The following PDE7A variants were observed in gnomAD, a reference collection of about 807,000 sequenced individuals.
PDE7A encodes high affinity 3',5'-cyclic-AMP phosphodiesterase 7A.
PDE7A carries 39 observed loss-of-function variants against 64.3 expected under a neutral mutation model. That is an observed-to-expected ratio of 0.61 (90% confidence interval 0.47 to 0.79). The LOEUF is 0.79. Ranked by LOEUF, PDE7A falls within the 30% of genes least tolerant of loss-of-function variation. The probability of loss-of-function intolerance (pLI) is 0.00; values close to 1 mark genes in which losing one functional copy is unlikely to be tolerated. For missense variants in PDE7A, 470 were observed against 582.8 expected (o/e 0.81, Z 1.99); for synonymous variants, 203 against 206.8 (o/e 0.98, Z 0.16).
At chr8:65,821,181 CA>C (rs893306203) in intron 1 of PDE7A, among the ~76,000 whole-genome samples, 38 of 149,040 alleles carry the variant, frequency 2.5e-4, no homozygotes, top group African/African-American at 8.9e-4. Flanking sequence ...CAAAACAAAA[CA>C]AAAAAAAACC....
At chr8:65,761,725 T>C (rs1167291099) in intron 3 of PDE7A, among the ~76,000 whole-genome samples, 1 of 152,242 alleles carries the variant, frequency 6.6e-6, no homozygotes, top group African/African-American at 2.4e-5. Flanking sequence ...AGTTAATGAT[T>C]CTTAGCTTCT....
intron 12 of PDE7A, chr8:65,723,336 T>G (rs1806468770): frequency 2.7e-6 from 1 of 369,390 alleles, no homozygotes; most frequent in South Asian, 1.1e-4. Context: ...TGCTGCCTGT[T>G]CTGCAAAAAT....
chr8:65,813,056 C>T (rs1295631595), intron 1 of PDE7A, among the ~76,000 whole-genome samples: 5 of 152,222 alleles, frequency 3.3e-5, no homozygotes, highest in African/African-American at 7.2e-5. Context: ...ACCATTTGAA[C>T]TCACTGTGCT....
At chr8:65,761,543 T>C (rs1294399041) in intron 3 of PDE7A, among the ~76,000 whole-genome samples, 3 of 152,226 alleles carry the variant, frequency 2.0e-5, no homozygotes, top group African/African-American at 7.2e-5. Context: ...CAATCCAGCT[T>C]AGAAAGCCAA....
chr8:65,771,861 C>A (rs942177496), intron 3 of PDE7A, among the ~76,000 whole-genome samples: 3 of 121,192 alleles, frequency 2.5e-5, no homozygotes, highest in Non-Finnish European at 4.8e-5. Context: ...GGCAACAGAT[C>A]GAGACTCCGA....
intron 5 of PDE7A, 49 bp from the exon 6 acceptor site, chr8:65,739,646 C>T: frequency 7.1e-7 from 1 of 1,400,888 alleles, no homozygotes. Context: ...CAAGTCAACA[C>T]AATTATATTA....
At chr8:65,789,794 A>C (rs1809651866) in intron 1 of PDE7A, among the ~76,000 whole-genome samples, 1 of 152,226 alleles carries the variant, frequency 6.6e-6, no homozygotes, top group African/African-American at 2.4e-5. Context: ...AGTATTCAGC[A>C]AATATTTATT....
Position 65,719,030 on chromosome 8 carries a change from C to T in PDE7A, c.*260G>A. 2.0e-6 allele frequency: 1 copy of T among 506,940 alleles called. No individual in the cohort carries two copies. The highest frequency in any genetic ancestry group is 3.6e-6 in the Non-Finnish European group (1 of 281,092). 31.4% of individuals were successfully genotyped at this position (506,940 alleles called of 1,614,324 possible). A position where few individuals can be genotyped will look rare whatever the true frequency, so the allele number is the denominator to read the frequency against. On this transcript the variant is annotated 3_prime_UTR_variant, in exon 13 of 13. Transcript: ENST00000401827. ...CATATCAAAACTTCCTTTGTTACTC[C>T]TTTCGGATTCTCTCCTGCTGGGCTT...
intron 1 of PDE7A, among the ~76,000 whole-genome samples, chr8:65,832,156 CT>C (rs1340079251): frequency 6.6e-6 from 1 of 152,030 alleles, no homozygotes; most frequent in Admixed American, 6.6e-5. Flanking sequence ...TCCTCAAATT[CT>C]TCAAATCATT....
intron 1 of PDE7A, among the ~76,000 whole-genome samples, chr8:65,807,900 A>G (rs1173321060): frequency 6.6e-6 from 1 of 152,178 alleles, no homozygotes; most frequent in Non-Finnish European, 1.5e-5. Flanking sequence ...TGGAGCCACT[A>G]AACCCTGGGT....
intron 9 of PDE7A, among the ~76,000 whole-genome samples, chr8:65,725,838 A>G (rs918926756): frequency 1.3e-5 from 2 of 152,228 alleles, no homozygotes; most frequent in Non-Finnish European, 2.9e-5. Flanking sequence ...GGAATAATGA[A>G]GCAAACATTT....
In PDE7A at chr8:65,734,976, C is replaced by T. The variant is rs1807063357; in HGVS notation, c.596-82G>A. 17 of 854,214 alleles carry T rather than the reference C, an allele frequency of 2.0e-5. 1 individual carries two copies. In the South Asian group the frequency reaches 2.3e-4, roughly 12 times the overall value. 52.9% of individuals were successfully genotyped at this position (854,214 alleles called of 1,614,324 possible). On this transcript the variant is annotated intron_variant, in intron 6 of 12. Coordinates refer to ENST00000401827, the MANE Select transcript of PDE7A (RefSeq NM_001242318.3). ...AAAAATTGTGATAATTATGAGTTACCCACTCATACTTTTCATGTAGCTATC... is the reference window on the plus strand; with the variant it reads ...AAAAATTGTGATAATTATGAGTTACTCACTCATACTTTTCATGTAGCTATC...
chr8:65,741,115 T>A (rs1397726980), intron 5 of PDE7A, among the ~76,000 whole-genome samples: 1 of 152,216 alleles, frequency 6.6e-6, no homozygotes, highest in Non-Finnish European at 1.5e-5. Context: ...TACCTCCTAT[T>A]ATACTTCTCA....
chr8:65,819,765 TTC>T (rs1379740847), intron 1 of PDE7A, among the ~76,000 whole-genome samples: 1 of 152,224 alleles, frequency 6.6e-6, no homozygotes, highest in Non-Finnish European at 1.5e-5. Context: ...AAAACATCTA[TTC>T]TCATGTTCTT....
intron 5 of PDE7A, among the ~76,000 whole-genome samples, chr8:65,741,695 GAAC>G (rs921921460): frequency 2.0e-5 from 3 of 152,160 alleles, no homozygotes; most frequent in Non-Finnish European, 2.9e-5. Context: ...CTGAAGAAGT[GAAC>G]AACGTGTCTG....
At chr8:65,745,988 C>T (rs1386937963) in intron 4 of PDE7A, among the ~76,000 whole-genome samples, 2 of 151,824 alleles carry the variant, frequency 1.3e-5, no homozygotes, top group African/African-American at 2.4e-5. Context: ...AATGCAGTGG[C>T]ACAAACAAGA....
intron 1 of PDE7A, among the ~76,000 whole-genome samples, chr8:65,813,450 A>G (rs1331992641): frequency 4.6e-5 from 7 of 152,232 alleles, no homozygotes; most frequent in Admixed American, 3.3e-4. Context: ...GATGATTGGT[A>G]TGAACTGGGA....
chr8:65,839,963 T>C (rs934220354), intron 1 of PDE7A, among the ~76,000 whole-genome samples: 2 of 152,246 alleles, frequency 1.3e-5, no homozygotes, highest in Non-Finnish European at 2.9e-5. Flanking sequence ...GCTAGTCATG[T>C]GCCTGCTGAT....
chr8:65,752,711 T>C (rs1175135855), intron 3 of PDE7A, among the ~76,000 whole-genome samples: 4 of 152,232 alleles, frequency 2.6e-5, no homozygotes, highest in Non-Finnish European at 5.9e-5. Flanking sequence ...GAAAGTTTTC[T>C]TGAATTATAT....
Sources: gnomAD v4.1 joint callset for allele counts (sites outside exome capture counted in the v4.1 genomes callset) on GRCh38, gnomAD v4.1.1 for gene constraint, MANE v1.5 for transcripts, NCBI Gene and HGNC (gene_info 2026-07-23, HGNC 2026-07-21) for gene names.